The following SEMA3A variants were observed in gnomAD, a reference collection of about 807,000 sequenced individuals.
SEMA3A encodes the protein semaphorin 3A.
Under a neutral mutation model 97.9 loss-of-function variants are expected in SEMA3A, and 29 were observed. The observed-to-expected ratio is 0.30, with a 90% CI of 0.22 to 0.40. The LOEUF (loss-of-function observed/expected upper bound fraction) is 0.40, where lower values mean the gene tolerates loss of function less well. Ranked by LOEUF, SEMA3A falls within the 10% of genes least tolerant of loss-of-function variation. The pLI is 1.00. For synonymous variants in SEMA3A, 321 were observed against 323.7 expected (o/e 0.99, Z 0.09); for missense variants, 763 against 951.3 (o/e 0.80, Z 2.60).
At chr7:84,193,238 A>G (rs374037286) in intron 1 of SEMA3A, among the ~76,000 whole-genome samples, 1 of 152,004 alleles carries the variant, frequency 6.6e-6, no homozygotes, top group Non-Finnish European at 1.5e-5. Flanking sequence ...TTTCTAATTC[A>G]AAGTGTGAAA....
intron 3 of SEMA3A, among the ~76,000 whole-genome samples, chr7:84,204,342 C>T (rs754579482): frequency 5.9e-5 from 9 of 152,126 alleles, no homozygotes; most frequent in Non-Finnish European, 8.8e-5. Flanking sequence ...CAGTTGATCA[C>T]CCCCTTTTCC....
intron 1 of SEMA3A, among the ~76,000 whole-genome samples, chr7:84,485,113 C>T (rs1229262469): frequency 1.3e-5 from 2 of 152,130 alleles, no homozygotes; most frequent in African/African-American, 2.4e-5. Context: ...ATGTAAGCCA[C>T]ATGACCATAG....
chr7:83,965,279 G>C (rs931126768), intron 15 of SEMA3A, among the ~76,000 whole-genome samples: 2 of 151,618 alleles, frequency 1.3e-5, no homozygotes, highest in Admixed American at 1.3e-4. Context: ...TTTAGGAGGA[G>C]ACCTTTCATT....
chr7:84,201,002 T>C (rs1421389917), intron 3 of SEMA3A, among the ~76,000 whole-genome samples: 1 of 152,044 alleles, frequency 6.6e-6, no homozygotes, highest in Non-Finnish European at 1.5e-5. Flanking sequence ...AGCTGTTTGC[T>C]TTCAGTAAAG....
chr7:83,992,642 T>C (rs1193861528), intron 12 of SEMA3A, among the ~76,000 whole-genome samples: 2 of 151,722 alleles, frequency 1.3e-5, no homozygotes, highest in South Asian at 4.2e-4. Flanking sequence ...AGTGAGATTC[T>C]TAATCCTGAG....
intron 1 of SEMA3A, among the ~76,000 whole-genome samples, chr7:84,447,471 G>C (rs752578818): frequency 2.2e-4 from 33 of 152,092 alleles, no homozygotes; most frequent in Non-Finnish European, 4.0e-4. Flanking sequence ...GGCCGCCCAT[G>C]GACCAATCAA....
At chr7:84,427,696 A>T in intron 1 of SEMA3A, among the ~76,000 whole-genome samples, 1 of 135,812 alleles carries the variant, frequency 7.4e-6, no homozygotes. Context: ...GTAACAATTA[A>T]TAGTTTTTTT....
chr7:84,292,337 A>C (rs2115789332), intron 3 of SEMA3A, among the ~76,000 whole-genome samples: 1 of 152,192 alleles, frequency 6.6e-6, no homozygotes, highest in Admixed American at 6.6e-5. Context: ...TGGTTTTATT[A>C]AGATTTAGTT....
rs571349246 is a variant in SEMA3A at position 84,427,126 on chromosome 7, C to T, written c.-245-55226G>A. 7.4e-4 allele frequency among the ~76,000 whole-genome samples: 113 copies of T among 152,092 alleles called. 2 individuals carry two copies. Among genetic ancestry groups the T allele is most frequent in the South Asian group, 2.7e-3 (13 of 4,826 alleles). On this transcript the variant is annotated intron_variant, in intron 1 of 3. Transcript: ENST00000424555. ...ATTCAACTATTATAATAAATACCAT[C>T]CCTTTTCTCTATATTTCCTAGAGGC...
At chr7:84,272,210 A>C (rs1800169410) in intron 3 of SEMA3A, among the ~76,000 whole-genome samples, 1 of 152,096 alleles carries the variant, frequency 6.6e-6, no homozygotes, top group Non-Finnish European at 1.5e-5. Context: ...AAAACAAAGA[A>C]AATTTAGAAT....
At chr7:84,481,462 C>G (rs182590220) in intron 1 of SEMA3A, among the ~76,000 whole-genome samples, 87 of 152,290 alleles carry the variant, frequency 5.7e-4, no homozygotes, top group East Asian at 4.6e-3. Context: ...TTGAAATCCA[C>G]TATCTGTTAA....
In SEMA3A at chr7:84,286,862, C is replaced by A. The variant is rs143057835; in HGVS notation, c.-83+20345G>T. Among the ~76,000 whole-genome samples the A allele has an allele frequency of 1.4e-4, 22 of 152,226 alleles. No individual in the cohort carries two copies. The East Asian group carries it at 3.9e-3, about 27-fold the overall frequency. On this transcript the variant is annotated intron_variant, in intron 3 of 3. Transcript: ENST00000424555. ...TTGCATCATTTAAAAATGCCATAATCATGTATTTCCAAGGATCTAAATATT... is the reference window on the plus strand; with the variant it reads ...TTGCATCATTTAAAAATGCCATAATAATGTATTTCCAAGGATCTAAATATT...
At chr7:84,360,821 T>A (rs1802700063) in intron 2 of SEMA3A, among the ~76,000 whole-genome samples, 2 of 151,964 alleles carry the variant, frequency 1.3e-5, no homozygotes, top group African/African-American at 4.8e-5. Flanking sequence ...TTTGAGAGTG[T>A]CTCGCTGTGT....
intron 1 of SEMA3A, among the ~76,000 whole-genome samples, chr7:84,443,667 A>T (rs982389496): frequency 6.6e-6 from 1 of 152,174 alleles, no homozygotes; most frequent in Non-Finnish European, 1.5e-5. Context: ...TGAAGCTTTC[A>T]TGGTTGTTTT....
chr7:84,382,919 C>T (rs999589195), intron 1 of SEMA3A, among the ~76,000 whole-genome samples: 1 of 151,568 alleles, frequency 6.6e-6, no homozygotes, highest in African/African-American at 2.4e-5. Context: ...TATGGATTTC[C>T]CATATCATAA....
intron 15 of SEMA3A, among the ~76,000 whole-genome samples, chr7:83,976,756 T>G (rs1484982083): frequency 7.2e-5 from 11 of 152,004 alleles, no homozygotes; most frequent in African/African-American, 2.4e-4. Context: ...TAAGGCATAT[T>G]TTAAGACTGT....
At chr7:83,992,219 A>T (rs923281211) in intron 12 of SEMA3A, among the ~76,000 whole-genome samples, 7 of 150,144 alleles carry the variant, frequency 4.7e-5, no homozygotes, top group African/African-American at 1.5e-4. Flanking sequence ...TTTTTTCTTT[A>T]TTAGTCTTGC....
intron 3 of SEMA3A, among the ~76,000 whole-genome samples, chr7:84,289,782 C>T (rs1307831809): frequency 1.3e-5 from 2 of 151,946 alleles, no homozygotes; most frequent in Non-Finnish European, 2.9e-5. Flanking sequence ...TATGTACCAA[C>T]GACAAATGAA....
intron 4 of SEMA3A, among the ~76,000 whole-genome samples, chr7:84,063,989 G>A (rs1583902613): frequency 6.6e-6 from 1 of 151,368 alleles, no homozygotes; most frequent in Admixed American, 6.6e-5. Context: ...AAGTTGAAAT[G>A]AAGGAAAAAA....
Sources: gnomAD v4.1 joint callset for allele counts (sites outside exome capture counted in the v4.1 genomes callset) on GRCh38, gnomAD v4.1.1 for gene constraint, MANE v1.5 for transcripts, NCBI Gene and HGNC (gene_info 2026-07-23, HGNC 2026-07-21) for gene names.